Variants in TENM1 observed in about 807,000 individuals in gnomAD.
TENM1 encodes the protein teneurin-1.
In TENM1, 35 loss-of-function variants were observed where a neutral mutation model predicts 174.8. The observed-to-expected ratio is 0.20, with a 90% CI of 0.15 to 0.27. The LOEUF is 0.27. Ranked by LOEUF, TENM1 falls within the 10% of genes least tolerant of loss-of-function variation. The pLI is 1.00. For synonymous variants in TENM1, 781 were observed against 798.7 expected (o/e 0.98, Z 0.37); for missense variants, 1,633 against 2,130.1 (o/e 0.77, Z 4.59).
chrX:124,584,768 G>A lies in TENM1; in HGVS notation c.2078-19208C>T, dbSNP rs1351808887. 8.7e-3 allele frequency among the ~76,000 whole-genome samples: 970 copies of A among 111,097 alleles called. 18 individuals are homozygous for A. The highest frequency in any genetic ancestry group is 0.03 in the African/African-American group (900 of 30,294). On this transcript the variant is annotated intron_variant, in intron 11 of 31. Coordinates refer to ENST00000422452, the Ensembl canonical transcript of TENM1. ...ATTGGATAAAGAGTCAAGATCCATC[G>A]GTGTGCTTTATTCAGGAAACCCATC...
At chrX:124,684,419 C>T (rs1397374082) in intron 5 of TENM1, among the ~76,000 whole-genome samples, 1 of 112,658 alleles carries the variant, frequency 8.9e-6, no homozygotes, top group East Asian at 2.8e-4. Context: ...GAGAGAAATA[C>T]CTTCCATGTG....
chrX:124,668,965 C>T (rs1440805463), intron 6 of TENM1, among the ~76,000 whole-genome samples: 4 of 111,623 alleles, frequency 3.6e-5, no homozygotes, highest in African/African-American at 9.8e-5. Flanking sequence ...ACTTCGATCT[C>T]AAGAAGGTCA....
At chrX:125,071,833 A>G in the TENM1 span, among the ~76,000 whole-genome samples, 2 of 111,324 alleles carry the variant, frequency 1.8e-5, no homozygotes, top group Non-Finnish European at 3.8e-5. Context: ...TTTGTCTTCA[A>G]AAAGTTTCAA....
intron 19 of TENM1, 140 bp downstream of exon 22, chrX:124,503,420 T>G: frequency 8.1e-6 from 4 of 494,586 alleles, no homozygotes; most frequent in Non-Finnish European, 1.3e-5. Flanking sequence ...CAAAATAGAA[T>G]TATTATGTTT....
At chrX:125,154,754 C>T in the TENM1 span, among the ~76,000 whole-genome samples, 47,391 of 108,572 alleles carry the variant, frequency 0.44, 7,945 homozygotes, top group South Asian at 0.52. Flanking sequence ...TGGGTGGGTT[C>T]GTGGTCTCGC....
chrX:124,876,552 A>G (rs2057206027), intron 3 of TENM1, among the ~76,000 whole-genome samples: 2 of 111,700 alleles, frequency 1.8e-5, no homozygotes, highest in African/African-American at 6.5e-5. Context: ...TGCTTCCAAA[A>G]AAATCTTTAA....
At chrX:124,381,017 G>A (rs757274870) in exon 32 of TENM1, 1 of 1,211,705 alleles carries the variant, frequency 8.3e-7, no homozygotes. Flanking sequence ...CCCCTCTATG[G>A]TAAAATGTAG....
intron 25 of TENM1, among the ~76,000 whole-genome samples, chrX:124,419,675 T>G (rs1445562271): frequency 8.9e-6 from 1 of 112,226 alleles, no homozygotes; most frequent in Non-Finnish European, 1.9e-5. Flanking sequence ...TGCTGGATTA[T>G]TCAACTTGTG....
At chrX:124,517,814 AAAAT>A (rs1194049326) in intron 18 of TENM1, among the ~76,000 whole-genome samples, 2 of 71,622 alleles carry the variant, frequency 2.8e-5, no homozygotes, top group African/African-American at 5.4e-5. Flanking sequence ...AAGTATAATA[AAAAT>A]AAATAAATAA....
Position 124,837,395 on chromosome X carries a change from T to C in TENM1, c.535+56901A>G, listed in dbSNP as rs760764238. On this transcript the variant is annotated intron_variant, in intron 3 of 31. Coordinates refer to ENST00000422452, the Ensembl canonical transcript of TENM1. ...TGAGCTACGACGCCCAGCCTTTTTTTCTCTATCATTCCCTAATCAGTTAGT... is the reference window on the plus strand; with the variant it reads ...TGAGCTACGACGCCCAGCCTTTTTTCCTCTATCATTCCCTAATCAGTTAGT... Among the ~76,000 whole-genome samples the C allele has an allele frequency of 4.5e-5, 5 of 112,290 alleles. No individual in the cohort carries two copies. In the South Asian group the frequency reaches 1.9e-3, roughly 42 times the overall value.
chrX:124,930,852 C>T (rs1400731771), intron 1 of TENM1, among the ~76,000 whole-genome samples: 1 of 112,020 alleles, frequency 8.9e-6, no homozygotes, highest in African/African-American at 3.2e-5. Context: ...AATACAATTT[C>T]TTTTAGACTG....
At chrX:124,574,462 C>G (rs1186740747) in intron 11 of TENM1, among the ~76,000 whole-genome samples, 1 of 110,938 alleles carries the variant, frequency 9.0e-6, no homozygotes, top group African/African-American at 3.3e-5. Context: ...ATATGGCATT[C>G]TAAACAAGGA....
At chrX:124,584,398 A>G (rs2049429566) in intron 11 of TENM1, among the ~76,000 whole-genome samples, 2 of 111,029 alleles carry the variant, frequency 1.8e-5, no homozygotes, top group Non-Finnish European at 3.8e-5. Context: ...CTTAGAGAAA[A>G]GAATTTTTAA....
intron 11 of TENM1, among the ~76,000 whole-genome samples, chrX:124,593,725 C>T (rs1273537569): frequency 8.9e-6 from 1 of 112,023 alleles, no homozygotes; most frequent in East Asian, 2.8e-4. Context: ...GGCTGGGGCA[C>T]TTAGCAATGG....
chrX:124,737,989 G>T (rs1391504939), intron 3 of TENM1, among the ~76,000 whole-genome samples: 1 of 111,788 alleles, frequency 8.9e-6, no homozygotes, highest in Non-Finnish European at 1.9e-5. Flanking sequence ...GGCTTCTATT[G>T]TTGCTATTGC....
At chrX:124,965,141 G>A (rs1242763412), upstream of TENM1, among the ~76,000 whole-genome samples, 10 of 111,648 alleles carry the variant, frequency 9.0e-5, no homozygotes, top group Admixed American at 4.7e-4. Flanking sequence ...TCAGTGGTGC[G>A]ATCTCGGCTC....
intron 16 of TENM1, among the ~76,000 whole-genome samples, chrX:124,527,690 C>T (rs1223246726): frequency 9.8e-6 from 1 of 102,211 alleles, no homozygotes; most frequent in African/African-American, 3.6e-5. Context: ...GCTTTGTTGC[C>T]CAGGCTGGAG....
intron 3 of TENM1, among the ~76,000 whole-genome samples, chrX:124,772,532 T>C (rs766269730): frequency 3.5e-4 from 39 of 112,219 alleles, no homozygotes; most frequent in Non-Finnish European, 6.8e-4. Flanking sequence ...CTTTTCTATA[T>C]TAAATGAATA....
At chrX:124,499,378 G>A (rs1364965573) in intron 19 of TENM1, among the ~76,000 whole-genome samples, 1 of 111,370 alleles carries the variant, frequency 9.0e-6, no homozygotes, top group Admixed American at 9.5e-5. Flanking sequence ...CCAGCAAACA[G>A]AAATCCCATC....
Sources: allele counts gnomAD v4.1 joint callset (sites outside exome capture counted in the v4.1 genomes callset), GRCh38; gene constraint gnomAD v4.1.1; transcripts MANE v1.5; gene names NCBI Gene and HGNC (gene_info 2026-07-23, HGNC 2026-07-21).